The following HELLS variants were observed in gnomAD, a reference collection of about 807,000 sequenced individuals.
HELLS encodes the protein helicase, lymphoid specific.
In HELLS, 32 loss-of-function variants were observed where a neutral mutation model predicts 120.0. The observed-to-expected ratio is 0.27, with a 90% confidence interval of 0.20 to 0.36. The LOEUF (loss-of-function observed/expected upper bound fraction) is 0.36. HELLS is among the 10% of genes least tolerant of loss of function. The pLI, the probability that HELLS is intolerant of heterozygous loss-of-function variation, is 1.00. For synonymous variants in HELLS, 341 were observed against 323.4 expected (o/e 1.05, Z -0.58); for missense variants, 650 against 993.4 (o/e 0.65, Z 4.65).
In HELLS at chr10:94,590,478, C is replaced by T; in HGVS notation, c.1554C>T (p.Tyr518=). Reference sequence around the variant, plus strand: ...GACGAACTAGAAAATCAATAAATTACAGCAAAATAGATGATTTCCCTAATG... The same window carrying T: ...GACGAACTAGAAAATCAATAAATTATAGCAAAATAGATGATTTCCCTAATG... ...PKRRTRKSIN[Y]SKIDDFPNEL... The change falls in exon 14 of 22, where the codon TAC becomes TAT. Residue 518 remains tyrosine, a synonymous_variant. Transcript: ENST00000348459. 6.2e-7 allele frequency: 1 copy of T among 1,612,560 alleles called. No homozygotes were observed. Among genetic ancestry groups the T allele is most frequent in the Non-Finnish European group, 8.5e-7 (1 of 1,179,544 alleles).
At chr10:94,556,307 G>T (rs1367738722) in intron 3 of HELLS, among the ~76,000 whole-genome samples, 1 of 152,006 alleles carries the variant, frequency 6.6e-6, no homozygotes, top group Non-Finnish European at 1.5e-5. Context: ...AACTGAGTTT[G>T]TTTTTTTCTC....
At chr10:94,580,149 ATAT>A (rs1218916887) in intron 10 of HELLS, among the ~76,000 whole-genome samples, 4 of 81,566 alleles carry the variant, frequency 4.9e-5, no homozygotes, top group Non-Finnish European at 9.0e-5. Context: ...ATATATATAT[ATAT>A]ATATATATAT....
At chr10:94,608,636 G>GTTTTTTTTTTTT in intron 9 of HELLS, among the ~76,000 whole-genome samples, 1 of 148,122 alleles carries the variant, frequency 6.8e-6, no homozygotes, top group Non-Finnish European at 1.5e-5. Flanking sequence ...CAGTTTTTTA[G>GTTTTTTTTTTTT]TTTTTTTTTT....
At chr10:94,552,488 TTTCAGG>T (rs1319938765) in intron 2 of HELLS, among the ~76,000 whole-genome samples, 2 of 152,228 alleles carry the variant, frequency 1.3e-5, no homozygotes, top group African/African-American at 2.4e-5. Context: ...TCTTACAATT[TTTCAGG>T]ATTTAGATAG....
chr10:94,555,491 G>A (rs111995675), intron 3 of HELLS, among the ~76,000 whole-genome samples: 9 of 152,290 alleles, frequency 5.9e-5, no homozygotes, highest in African/African-American at 2.2e-4. Flanking sequence ...GAGAACTTCT[G>A]GATAGCTGAA....
At chr10:94,613,731 G>GATTTGC (rs1846217056) in exon 10 of HELLS, 1 of 152,080 alleles carries the variant, frequency 6.6e-6, no homozygotes, top group East Asian at 1.9e-4. Context: ...CAGAGAACAT[G>GATTTGC]ATTTGCATGA....
intron 11 of HELLS, 115 bp from the exon 12 acceptor site, chr10:94,582,848 T>C (rs1844942405): frequency 5.4e-6 from 3 of 557,862 alleles, no homozygotes; most frequent in Admixed American, 7.0e-5. Flanking sequence ...CCTAAGGATT[T>C]GATGCAACAA....
rs137957910 is a variant in HELLS at position 94,547,250 on chromosome 10, C to T, written c.153+752C>T. 1.6e-3 allele frequency among the ~76,000 whole-genome samples: 236 copies of T among 152,172 alleles called. 1 individual carries two copies. The highest frequency in any genetic ancestry group is 2.7e-3 in the Non-Finnish European group (186 of 67,998). On this transcript the variant is annotated intron_variant, in intron 2 of 21. Coordinates refer to ENST00000348459, the MANE Select transcript of HELLS (RefSeq NM_018063.5). ...CTGCCTAGTACGTGGTTTTCTTGTG[C>T]TTTATTAATTTATTAAACTCTACCG...
chr10:94,554,561 GTGC>G (rs1314806109), intron 3 of HELLS, among the ~76,000 whole-genome samples: 1 of 150,804 alleles, frequency 6.6e-6, no homozygotes, highest in African/African-American at 2.4e-5. Context: ...TCATGGTATT[GTGC>G]TAGTGAGTAA....
rs749481100 is a variant in HELLS, at chr10:94,576,698, C to T, written c.925C>T (p.Arg309Cys). 4 of 1,607,726 alleles carry T rather than the reference C, an allele frequency of 2.5e-6. No homozygotes were observed. Among genetic ancestry groups the T allele is most frequent in the Admixed American group, 1.7e-5 (1 of 59,864 alleles). ...GTTATATCATGGAACCCAGGAGGAACGTCAAAAATTGGTAAGAAATATTTA... is the reference window on the plus strand; with the variant it reads ...GTTATATCATGGAACCCAGGAGGAATGTCAAAAATTGGTAAGAAATATTTA... ...TMLYHGTQEERQKLVRNIYKR... is the reference protein window; with the variant it reads ...TMLYHGTQEECQKLVRNIYKR... The change falls in exon 10 of 22, where the codon CGT (arginine) becomes TGT (cysteine). Residue 309 changes from arginine (R) to cysteine (C), a missense_variant. Around this residue, in one of 9 missense-constraint regions of HELLS, gnomAD observed 61 missense variants for 86.5 expected, o/e 0.71. Coordinates refer to ENST00000348459, the MANE Select transcript of HELLS (RefSeq NM_018063.5).
downstream of HELLS, among the ~76,000 whole-genome samples, chr10:94,603,661 T>A (rs537107768): frequency 4.3e-4 from 66 of 152,356 alleles, no homozygotes; most frequent in African/African-American, 1.6e-3. Flanking sequence ...GTACTTTTCA[T>A]CTTGTTTAAT....
intron 12 of HELLS, among the ~76,000 whole-genome samples, chr10:94,586,705 A>AT (rs558714176): frequency 2.0e-5 from 3 of 151,422 alleles, no homozygotes; most frequent in Non-Finnish European, 4.4e-5. Context: ...TAGTAGTAGT[A>AT]TTTTTTTTGA....
At chr10:94,562,639 A>T in intron 4 of HELLS, 52 bp from the exon 5 acceptor site, 1 of 1,265,544 alleles carries the variant, frequency 7.9e-7, no homozygotes, top group Non-Finnish European at 1.1e-6. Flanking sequence ...TTTAACGTAT[A>T]ATACTATGAA....
chr10:94,592,730 A>C (rs1325555094), intron 17 of HELLS, among the ~76,000 whole-genome samples: 1 of 152,116 alleles, frequency 6.6e-6, no homozygotes, highest in Non-Finnish European at 1.5e-5. Flanking sequence ...TCTTATTAAT[A>C]ATATCCTACT....
chr10:94,575,348 T>C (rs1844381406), intron 9 of HELLS, among the ~76,000 whole-genome samples: 1 of 151,858 alleles, frequency 6.6e-6, no homozygotes, highest in Non-Finnish European at 1.5e-5. Context: ...ATCTGCCCAC[T>C]TTGGCCTCTC....
downstream of HELLS, among the ~76,000 whole-genome samples, chr10:94,602,270 A>G (rs1846068098): frequency 6.6e-6 from 1 of 152,200 alleles, no homozygotes; most frequent in African/African-American, 2.4e-5. Flanking sequence ...AAGTTTCTGA[A>G]TGAAACTTTA....
chr10:94,566,601 G>T (rs554405797), intron 6 of HELLS, among the ~76,000 whole-genome samples: 131 of 151,848 alleles, frequency 8.6e-4, no homozygotes, highest in African/African-American at 2.5e-3. Context: ...CACTTGGCTA[G>T]TTTATTCAGA....
At chr10:94,553,312 C>T (rs1056213180) in intron 2 of HELLS, among the ~76,000 whole-genome samples, 2 of 151,688 alleles carry the variant, frequency 1.3e-5, no homozygotes, top group African/African-American at 4.8e-5. Flanking sequence ...GCAGTGGTGC[C>T]ATCTCAGCTC....
At chr10:94,590,960 T>C (rs1178011754) in intron 15 of HELLS, among the ~76,000 whole-genome samples, 184 bp downstream of exon 15, 2 of 152,182 alleles carry the variant, frequency 1.3e-5, no homozygotes, top group African/African-American at 2.4e-5. Context: ...TTATCAGGGT[T>C]AGAAAAATGG....
Sources: allele counts gnomAD v4.1 joint callset (sites outside exome capture counted in the v4.1 genomes callset), GRCh38; gene constraint gnomAD v4.1.1; regional missense constraint gnomAD v4.1.1; transcripts MANE v1.5; gene names NCBI Gene and HGNC (gene_info 2026-07-23, HGNC 2026-07-21).